The following SLC5A12 variants were observed in gnomAD, a reference collection of about 807,000 sequenced individuals.
SLC5A12 encodes solute carrier family 5 member 12.
In SLC5A12, 46 loss-of-function variants were observed where a neutral mutation model predicts 72.7. That is an observed-to-expected ratio of 0.63 (90% CI 0.50 to 0.81). The LOEUF (loss-of-function observed/expected upper bound fraction) is 0.81. Ranked by LOEUF, SLC5A12 falls within the 30% of genes least tolerant of loss-of-function variation. SLC5A12 has a pLI of 0.00. For synonymous variants in SLC5A12, 275 were observed against 264.4 expected, an observed-to-expected ratio of 1.04 and a Z score of -0.39; for missense variants, 683 against 740.7, an observed-to-expected ratio of 0.92 and a Z score of 0.90.
intron 3 of SLC5A12, among the ~76,000 whole-genome samples, chr11:26,709,783 A>G (rs1475320188): frequency 6.6e-6 from 1 of 152,154 alleles, no homozygotes; most frequent in Non-Finnish European, 1.5e-5. Flanking sequence ...ACTCTTGGGC[A>G]GAAAGTCAGT....
At chr11:26,715,381 A>C (rs1855327797) in intron 1 of SLC5A12, among the ~76,000 whole-genome samples, 1 of 152,082 alleles carries the variant, frequency 6.6e-6, no homozygotes, top group Non-Finnish European at 1.5e-5. Flanking sequence ...CCAATTACTA[A>C]ATGGGGTTGG....
upstream of SLC5A12, chr11:26,722,078 T>A (rs887619704): frequency 1.5e-5 from 3 of 197,196 alleles, no homozygotes; most frequent in African/African-American, 4.7e-5. Context: ...CCAGATAACA[T>A]GCTGTTTTAT....
intron 9 of SLC5A12, among the ~76,000 whole-genome samples, chr11:26,687,730 G>A (rs905891155): frequency 1.3e-5 from 2 of 152,096 alleles, no homozygotes; most frequent in Non-Finnish European, 2.9e-5. Flanking sequence ...TCATCTTTGA[G>A]GCTATCTTTT....
At position 26,667,245 on chromosome 11, in the gene SLC5A12, G is replaced by A. The variant is rs1346671545; in HGVS notation, c.*3857C>T. The A allele has an allele frequency of 6.6e-6, 1 of 151,852 alleles. No individual in the cohort carries two copies. Among genetic ancestry groups the A allele is most frequent in the Non-Finnish European group, 1.5e-5 (1 of 67,828 alleles). 9.4% of individuals were successfully genotyped at this position (151,852 alleles called of 1,614,324 possible). On this transcript the variant is annotated 3_prime_UTR_variant, in exon 15 of 15. Coordinates refer to ENST00000396005, the MANE Select transcript of SLC5A12 (RefSeq NM_178498.4). Reference sequence around the variant, plus strand: ...ATATACAAATGTGCATGTACATACAGCTATAACTTCTGTAATAATTTAAAA... The same window carrying A: ...ATATACAAATGTGCATGTACATACAACTATAACTTCTGTAATAATTTAAAA...
Position 26,669,604 on chromosome 11 carries a change from T to C in SLC5A12, c.*1498A>G, listed in dbSNP as rs935192731. 1.3e-5 allele frequency: 2 copies of C among 152,098 alleles called. No individual in the cohort carries two copies. Among genetic ancestry groups the C allele is most frequent in the African/African-American group, 4.8e-5 (2 of 41,534 alleles). The allele number at this position is 152,098 out of a possible 1,614,324, so 9.4% of individuals were successfully genotyped here. A position where few individuals can be genotyped will look rare whatever the true frequency, so the allele number is the denominator to read the frequency against. On this transcript the variant is annotated 3_prime_UTR_variant, in exon 15 of 15. Transcript: ENST00000396005. ...TGAGTGGAGGGAGAGAAGGCAAGGATTGGGCTCTGTTTTATAAACTCCAGT... is the reference window on the plus strand; with the variant it reads ...TGAGTGGAGGGAGAGAAGGCAAGGACTGGGCTCTGTTTTATAAACTCCAGT...
intron 13 of SLC5A12, among the ~76,000 whole-genome samples, chr11:26,677,094 C>A (rs561850831): frequency 6.6e-6 from 1 of 151,654 alleles, no homozygotes; most frequent in African/African-American, 2.4e-5. Context: ...GGTTATCAGG[C>A]TAGCCCTAAG....
intron 3 of SLC5A12, 147 bp downstream of exon 3, chr11:26,711,160 A>C (rs1855217423): frequency 1.6e-6 from 1 of 642,652 alleles, no homozygotes; most frequent in South Asian, 2.0e-5. Context: ...CAATATTTAG[A>C]GCTTTATGTA....
At chr11:26,677,732 G>A (rs1459766138) in intron 13 of SLC5A12, among the ~76,000 whole-genome samples, 1 of 152,162 alleles carries the variant, frequency 6.6e-6, no homozygotes, top group Non-Finnish European at 1.5e-5. Flanking sequence ...ATCATGCACA[G>A]AACAATAGGG....
At chr11:26,712,915 T>C (rs1014001988) in intron 1 of SLC5A12, among the ~76,000 whole-genome samples, 1 of 152,134 alleles carries the variant, frequency 6.6e-6, no homozygotes, top group African/African-American at 2.4e-5. Context: ...GTGTTTCTCA[T>C]GATGATCAGA....
At chr11:26,690,059 C>T (rs1203173486) in intron 9 of SLC5A12, among the ~76,000 whole-genome samples, 3 of 152,176 alleles carry the variant, frequency 2.0e-5, no homozygotes, top group South Asian at 2.1e-4. Flanking sequence ...AAATACAACA[C>T]AATTAAATAG....
intron 8 of SLC5A12, among the ~76,000 whole-genome samples, chr11:26,696,481 G>T (rs1163488067): frequency 3.9e-5 from 6 of 152,194 alleles, no homozygotes; most frequent in Non-Finnish European, 7.3e-5. Flanking sequence ...AAAATGCATT[G>T]TTAGGTGATT....
Position 26,669,187 on chromosome 11 carries a change from T to TTTTTCTTTCTTTCTTTCTTTCTTTCTTTC in SLC5A12, c.*1914_*1915insGAAAGAAAGAAAGAAAGAAAGAAAGAAAA, listed in dbSNP as rs1854074136. The TTTTTCTTTCTTTCTTTCTTTCTTTCTTTC allele has an allele frequency of 1.8e-5, 2 of 110,942 alleles. No homozygotes were observed. The highest frequency in any genetic ancestry group is 3.9e-5 in the Non-Finnish European group (2 of 50,896). 6.9% of individuals were successfully genotyped at this position (110,942 alleles called of 1,614,324 possible). On this transcript the variant is annotated 3_prime_UTR_variant, in exon 15 of 15. Transcript: ENST00000396005. The stretch of plus-strand genomic sequence containing the variant: ...TGTCTTTTTCTTTCTTTCTTTCTTC[T>TTTTTCTTTCTTTCTTTCTTTCTTTCTTTC]TTTCTTTCTTTCTTTCTTTCTTTCT...
At chr11:26,686,347 A>G in intron 10 of SLC5A12, 130 bp downstream of exon 10, 1 of 709,990 alleles carries the variant, frequency 1.4e-6, no homozygotes, top group Non-Finnish European at 2.4e-6. Context: ...TGCATTTTAC[A>G]TTTATTTTTA....
intron 3 of SLC5A12, among the ~76,000 whole-genome samples, chr11:26,710,468 G>A (rs1454495779): frequency 3.9e-5 from 6 of 152,052 alleles, no homozygotes; most frequent in African/African-American, 1.2e-4. Flanking sequence ...CACCAACAGT[G>A]TAAAAGCATT....
upstream of SLC5A12, among the ~76,000 whole-genome samples, chr11:26,722,422 G>A (rs1021729808): frequency 6.6e-6 from 1 of 152,008 alleles, no homozygotes; most frequent in African/African-American, 2.4e-5. Context: ...GACCTTACAA[G>A]GTCTTTAAAG....
At chr11:26,701,853 G>A (rs10047424) in intron 6 of SLC5A12, among the ~76,000 whole-genome samples, 10,833 of 152,002 alleles carry the variant, frequency 0.071, 1,271 homozygotes, top group African/African-American at 0.24. Context: ...TGGCCTTCTC[G>A]AGGCATTACT....
At chr11:26,709,443 T>C (rs1855169042) in intron 3 of SLC5A12, 64 bp from the exon 4 acceptor site, 3 of 1,247,832 alleles carry the variant, frequency 2.4e-6, no homozygotes, top group African/African-American at 1.5e-5. Flanking sequence ...GCAAGTTTTA[T>C]GAGGAAAAAG....
chr11:26,692,240 C>G (rs545475388), intron 9 of SLC5A12: 1 of 344,806 alleles, frequency 2.9e-6, no homozygotes, highest in Non-Finnish European at 5.3e-6. Context: ...GGATAAGCCT[C>G]GTCTAGAGTG....
intron 6 of SLC5A12, among the ~76,000 whole-genome samples, chr11:26,701,921 G>A (rs1461021425): frequency 1.3e-5 from 2 of 151,882 alleles, no homozygotes; most frequent in East Asian, 1.9e-4. Context: ...GGTCTTGTGG[G>A]GAAAAATGAT....
Sources: gnomAD v4.1 joint callset for allele counts (sites outside exome capture counted in the v4.1 genomes callset) on GRCh38, gnomAD v4.1.1 for gene constraint, MANE v1.5 for transcripts, NCBI Gene and HGNC (gene_info 2026-07-23, HGNC 2026-07-21) for gene names.